The following SYTL2 variants were observed in gnomAD, a reference collection of about 807,000 sequenced individuals.
SYTL2 encodes synaptotagmin-like protein 2.
SYTL2 carries 165 observed loss-of-function variants against 198.7 expected under a neutral mutation model. That is an observed-to-expected ratio of 0.83 (90% CI 0.73 to 0.94). The LOEUF (loss-of-function observed/expected upper bound fraction) is 0.94. Among genes scored for constraint, SYTL2 ranks in the 40% least tolerant of loss-of-function variants. The pLI, the probability that SYTL2 is intolerant of heterozygous loss-of-function variation, is 0.00. For synonymous variants in SYTL2, 966 were observed against 917.7 expected, an observed-to-expected ratio of 1.05 and a Z score of -0.95; for missense variants, 2,835 against 2,582.8, an observed-to-expected ratio of 1.10 and a Z score of -2.12.
At chr11:85,840,745 A>G in the SYTL2 span, among the ~76,000 whole-genome samples, 1 of 152,094 alleles carries the variant, frequency 6.6e-6, no homozygotes, top group African/African-American at 2.4e-5. Flanking sequence ...TAAATGTAAA[A>G]CCCAAAACTA....
rs780739286 is a variant in SYTL2 at position 85,700,577 on chromosome 11, A to G, written c.6206T>C (p.Leu2069Pro). Residue 2069 changes from leucine (L) to proline (P), a missense_variant, in exon 17 of 20, where the codon CTT (leucine) becomes CCT (proline). Leu to Pro is a moderately conservative substitution (Grantham distance 98). This residue lies in a region of SYTL2 where 2,645 missense variants were observed against 2,381.7 expected (regional missense o/e 1.11). Transcript: ENST00000359152. ...CATTTCACCTCTGTTTTCTGCTTCA[A>G]GGGCAACTGGTGCTGTCTGAAAAGT... ...PLKRKTAPVA[L>P]EAENRGEMKL... 1.9e-6 allele frequency: 3 copies of G among 1,613,970 alleles called. No homozygotes were observed. The highest frequency in any genetic ancestry group is 2.2e-5 in the East Asian group (1 of 44,870).
the SYTL2 span, among the ~76,000 whole-genome samples, chr11:85,818,657 C>CTATCTATT: frequency 1.1e-3 from 15 of 14,086 alleles, no homozygotes; most frequent in Admixed American, 7.4e-3. Context: ...GTATAAATTA[C>CTATCTATT]TATCTATCTA....
Position 85,725,629 on chromosome 11 carries a change from C to T in SYTL2, c.3729G>A (p.Leu1243=), listed in dbSNP as rs2089040898. ...APVITGTNSK[L]EEGRFFGKGI... ...CTTTTCCAAAAAATCTCCCCTCTTCCAGCTTAGAGTTGGTTCCAGTGATAA... is the reference window on the plus strand; with the variant it reads ...CTTTTCCAAAAAATCTCCCCTCTTCTAGCTTAGAGTTGGTTCCAGTGATAA... Residue 1243 remains leucine (L), a synonymous_variant, in exon 8 of 20, where the codon CTG becomes CTA. Transcript: ENST00000359152. The T allele has an allele frequency of 6.2e-7, 1 of 1,614,006 alleles. No homozygotes were observed. The highest frequency in any genetic ancestry group is 1.1e-5 in the South Asian group (1 of 91,084).
chr11:85,828,601 A>G, the SYTL2 span, among the ~76,000 whole-genome samples: 1 of 152,238 alleles, frequency 6.6e-6, no homozygotes, highest in Non-Finnish European at 1.5e-5. Flanking sequence ...ACCTGGAAGG[A>G]TAATTTCTCC....
the SYTL2 span, among the ~76,000 whole-genome samples, chr11:85,830,686 A>G: frequency 6.6e-6 from 1 of 152,214 alleles, no homozygotes; most frequent in Non-Finnish European, 1.5e-5. Context: ...ATGTGGATAA[A>G]TACTCTAGCT....
At chr11:85,754,733 A>G (rs1365561171) in intron 2 of SYTL2, among the ~76,000 whole-genome samples, 1 of 152,198 alleles carries the variant, frequency 6.6e-6, no homozygotes, top group African/African-American at 2.4e-5. Flanking sequence ...GAGAGGTTAA[A>G]TAACTTGCCC....
intron 17 of SYTL2, 24 bp from the exon 18 acceptor site, chr11:85,698,102 AT>A (rs1178879676): frequency 1.3e-6 from 2 of 1,532,420 alleles, no homozygotes; most frequent in Non-Finnish European, 1.8e-6. Flanking sequence ...AGAAGAGAAA[AT>A]TTTCACTGCC....
Position 85,726,779 on chromosome 11 carries a change from T to A in SYTL2, c.2579A>T (p.Asp860Val). 2 of 1,536,218 alleles carry A rather than the reference T, an allele frequency of 1.3e-6. No individual in the cohort carries two copies. Among genetic ancestry groups the A allele is most frequent in the South Asian group, 2.4e-5 (2 of 84,064 alleles). The stretch of plus-strand genomic sequence containing the variant: ...GAGCTGGGATGCTTGATCATCCTCA[T>A]CTAAGACCACTCGTTTGGGAATGGC... ...NQAIPKRVVLDEDDQASQLSN... is the reference protein window; with the variant it reads ...NQAIPKRVVLVEDDQASQLSN... Residue 860 changes from aspartate to valine, a missense_variant, in exon 8 of 20, where the codon GAT (aspartate) becomes GTT (valine). Asp to Val is a radical substitution (Grantham distance 152). Transcript: ENST00000359152.
rs778692001 is a variant in SYTL2 at position 85,725,184 on chromosome 11, C to G, written c.4174G>C (p.Gly1392Arg). ...WLSYPAGREV[G>R]PGEVNPEFPE... ...AATTCTGGGTTCACTTCTCCAGGACCTACTTCCCTTCCAGCTGGATAACTT... is the reference window on the plus strand; with the variant it reads ...AATTCTGGGTTCACTTCTCCAGGACGTACTTCCCTTCCAGCTGGATAACTT... The change falls in exon 8 of 20, where the codon GGT (glycine) becomes CGT (arginine). Residue 1392 changes from glycine (G) to arginine (R), a missense_variant. Around this residue, in one of 3 missense-constraint regions of SYTL2, gnomAD observed 2,645 missense variants for 2,381.7 expected, o/e 1.11. Transcript: ENST00000359152. 1 of 1,614,120 alleles carries G rather than the reference C, an allele frequency of 6.2e-7. No homozygotes were observed. The highest frequency in any genetic ancestry group is 8.5e-7 in the Non-Finnish European group (1 of 1,179,998).
At chr11:85,838,021 C>T in the SYTL2 span, among the ~76,000 whole-genome samples, 5 of 152,024 alleles carry the variant, frequency 3.3e-5, no homozygotes, top group South Asian at 2.1e-4. Flanking sequence ...TTATTTATGC[C>T]GGTAGCACCC....
Position 85,726,602 on chromosome 11 carries a change from C to T in SYTL2, c.2756G>A (p.Ser919Asn), listed in dbSNP as rs2089213974. ...EPIKRSQVAD[S>N]LPSRRNITLP... ...AGTAATGTTTCTTCTAGAAGGCAAA[C>T]TGTCTGCCACTTGTGATCTTTTTAT... The change falls in exon 8 of 20, where the codon AGT becomes AAT. Residue 919 changes from serine to asparagine, a missense_variant. Coordinates refer to ENST00000359152, the MANE Select transcript of SYTL2 (RefSeq NM_206927.4). The T allele has an allele frequency of 1.9e-6, 3 of 1,554,406 alleles. No homozygotes were observed. The highest frequency in any genetic ancestry group is 2.3e-5 in the South Asian group (2 of 86,806).
chr11:85,709,360 T>G lies in SYTL2; in HGVS notation c.5886A>C (p.Ala1962=), dbSNP rs2085840506. ...VFVAQCKDLA[A]ADVKKQRSDP... is the part of the protein sequence containing the mutation. Reference sequence around the variant, plus strand: ...CTGAACGCTGTTTTTTTACATCCGCTGCTGCTAAGTCCTTACACTGGGCCA... The same window carrying G: ...CTGAACGCTGTTTTTTTACATCCGCGGCTGCTAAGTCCTTACACTGGGCCA... The change falls in exon 14 of 20, where the codon GCA becomes GCC. Residue 1962 remains alanine, a synonymous_variant. Transcript: ENST00000359152. 6 of 1,614,178 alleles carry G rather than the reference T, an allele frequency of 3.7e-6. No homozygotes were observed. Among genetic ancestry groups the G allele is most frequent in the Non-Finnish European group, 5.1e-6 (6 of 1,180,032 alleles).
intron 18 of SYTL2, among the ~76,000 whole-genome samples, chr11:85,697,596 G>T (rs1392322342): frequency 6.6e-6 from 1 of 152,156 alleles, no homozygotes; most frequent in Non-Finnish European, 1.5e-5. Flanking sequence ...TTGCAAATAG[G>T]CCACAAAACA....
At chr11:85,838,618 G>T in the SYTL2 span, among the ~76,000 whole-genome samples, 1 of 152,068 alleles carries the variant, frequency 6.6e-6, no homozygotes, top group South Asian at 2.1e-4. Flanking sequence ...AGTGCCAGGG[G>T]AGGTGCCATG....
chr11:85,764,763 A>G (rs1168146177), intron 1 of SYTL2, among the ~76,000 whole-genome samples: 4 of 152,214 alleles, frequency 2.6e-5, no homozygotes, highest in Non-Finnish European at 5.9e-5. Flanking sequence ...GGAAAAGAGG[A>G]TATGCATGAG....
chr11:85,797,116 A>C (rs959310426), intron 1 of SYTL2, among the ~76,000 whole-genome samples: 2 of 152,206 alleles, frequency 1.3e-5, no homozygotes, highest in African/African-American at 4.8e-5. Flanking sequence ...GCTCGAGCCC[A>C]GGAGGTCAAG....
chr11:85,829,651 T>A, the SYTL2 span, among the ~76,000 whole-genome samples: 1 of 152,226 alleles, frequency 6.6e-6, no homozygotes, highest in Non-Finnish European at 1.5e-5. Context: ...GTGGCTGAAC[T>A]GGTTTGCATT....
At chr11:85,759,850 A>G (rs639688) in intron 1 of SYTL2, among the ~76,000 whole-genome samples, 118,408 of 152,122 alleles carry the variant, frequency 0.78, 46,545 homozygotes, top group African/African-American at 0.88. Flanking sequence ...CTTCAAGACA[A>G]ATCAAAGTTA....
the SYTL2 span, among the ~76,000 whole-genome samples, chr11:85,837,454 C>T: frequency 6.6e-6 from 1 of 152,198 alleles, no homozygotes; most frequent in African/African-American, 2.4e-5. Flanking sequence ...AAACCCAACC[C>T]TGATGGCACC....
Sources: gnomAD v4.1 joint callset for allele counts (sites outside exome capture counted in the v4.1 genomes callset) on GRCh38, gnomAD v4.1.1 for gene constraint, gnomAD v4.1.1 regional missense constraint, MANE v1.5 for transcripts, NCBI Gene and HGNC (gene_info 2026-07-23, HGNC 2026-07-21) for gene names.